Variants in HSD17B7 observed in about 807,000 individuals in gnomAD.
HSD17B7 encodes 3-keto-steroid reductase/17-beta-hydroxysteroid dehydrogenase 7.
HSD17B7 carries 17 observed loss-of-function variants against 34.1 expected under a neutral mutation model. The ratio of observed to expected loss-of-function variants is 0.50; its 90% CI spans 0.34 to 0.75. HSD17B7 has a LOEUF of 0.75. HSD17B7 is among the 30% of genes least tolerant of loss of function. The pLI is 0.01. For synonymous variants in HSD17B7, 122 were observed against 154.6 expected (o/e 0.79, Z 1.56); for missense variants, 296 against 406.6 (o/e 0.73, Z 2.34).
At chr1:162,805,572 C>T (rs560324888) in intron 8 of HSD17B7, 80 bp downstream of exon 8, 105 of 1,556,798 alleles carry the variant, frequency 6.7e-5, no homozygotes, top group African/African-American at 9.6e-5. Flanking sequence ...AGCCCCTCAG[C>T]CCCCCAGCTT....
Position 162,812,416 on chromosome 1 carries a change from T to A in HSD17B7, c.1022T>A (p.Leu341Gln). ...CAGGCCAGGCTCAGTGGCTCATGCC[T>A]ATAATTCCAGCACTTTGGGAGGCCA... ...DNQARLSGSC[L>Q] Residue 341 changes from leucine (L) to glutamine (Q), a missense_variant, in exon 9 of 9, where the codon CTA (leucine) becomes CAA (glutamine). Transcript: ENST00000254521. 6.3e-7 allele frequency: 1 copy of A among 1,581,402 alleles called. No individual in the cohort carries two copies. Among genetic ancestry groups the A allele is most frequent in the Non-Finnish European group, 8.6e-7 (1 of 1,161,392 alleles).
chr1:162,795,509 A>G (rs1487998346), intron 2 of HSD17B7: 1 of 360,212 alleles, frequency 2.8e-6, no homozygotes, highest in East Asian at 7.7e-5. Context: ...ACAAGCAACA[A>G]TGGATGAACT....
chr1:162,808,966 C>T (rs1225748664), intron 8 of HSD17B7, among the ~76,000 whole-genome samples: 1 of 152,144 alleles, frequency 6.6e-6, no homozygotes, highest in East Asian at 1.9e-4. Flanking sequence ...TTATTTCTTT[C>T]TCCTGCCTGA....
intron 8 of HSD17B7, among the ~76,000 whole-genome samples, chr1:162,807,667 T>C (rs1278708363): frequency 6.6e-6 from 1 of 152,234 alleles, no homozygotes; most frequent in African/African-American, 2.4e-5. Context: ...ATCGCCATTC[T>C]AACTGGTGTG....
chr1:162,805,467 G>C lies in HSD17B7; in HGVS notation c.878G>C (p.Gly293Ala), dbSNP rs1293164324. ...IKYLSATTGF[G>A]RNYIMTQKMD... ...TATCTGAGTGCCACCACTGGCTTTG[G>C]AAGAAATTACATTATGACCCAGAAG... Residue 293 changes from glycine (G) to alanine (A), a missense_variant, in exon 8 of 9, where the codon GGA (glycine) becomes GCA (alanine). By Grantham distance (60) the Gly-to-Ala change is moderately conservative (BLOSUM62 0). Coordinates refer to ENST00000254521, the MANE Select transcript of HSD17B7 (RefSeq NM_016371.4). 6.2e-6 allele frequency: 10 copies of C among 1,612,912 alleles called. No individual in the cohort carries two copies. The highest frequency in any genetic ancestry group is 1.3e-5 in the African/African-American group (1 of 74,824).
intron 8 of HSD17B7, among the ~76,000 whole-genome samples, chr1:162,809,524 G>T (rs912967825): frequency 6.6e-6 from 1 of 150,800 alleles, no homozygotes; most frequent in Non-Finnish European, 1.5e-5. Context: ...CTATTGATTG[G>T]AATAGTTTCA....
intron 8 of HSD17B7, 125 bp downstream of exon 8, chr1:162,805,617 C>T: frequency 7.0e-7 from 1 of 1,419,322 alleles, no homozygotes; most frequent in Non-Finnish European, 9.4e-7. Flanking sequence ...ACCAGCATCA[C>T]ACTGGCCTGA....
chr1:162,796,556 C>T (rs1182483066), intron 2 of HSD17B7, 29 bp from the exon 3 acceptor site: 3 of 1,407,368 alleles, frequency 2.1e-6, no homozygotes, highest in Non-Finnish European at 3.0e-6. Flanking sequence ...ACTTGCAACT[C>T]ACAATCTTGT....
intron 8 of HSD17B7, among the ~76,000 whole-genome samples, chr1:162,810,893 T>C (rs1435519088): frequency 2.0e-5 from 3 of 152,230 alleles, no homozygotes. Flanking sequence ...GGGTCTTGAC[T>C]CTTTATCCAA....
At chr1:162,811,767 A>T (rs1169216547) in intron 8 of HSD17B7, among the ~76,000 whole-genome samples, 1 of 152,182 alleles carries the variant, frequency 6.6e-6, no homozygotes, top group Non-Finnish European at 1.5e-5. Context: ...GAAAAAAGGG[A>T]TGCTTTATTT....
intron 1 of HSD17B7, among the ~76,000 whole-genome samples, chr1:162,791,613 C>A (rs1648408775): frequency 7.6e-6 from 1 of 131,810 alleles, no homozygotes; most frequent in Non-Finnish European, 1.6e-5. Context: ...ATTAACTAAG[C>A]CAGCTTGGTA....
At position 162,792,924 on chromosome 1, in the gene HSD17B7, A is replaced by G. The variant is rs1382964357; in HGVS notation, c.239+62A>G. ...ATTGTGCAGCATAACACTTAATAAA[A>G]TAAGAGAGGAAAGAAAAACCTGAAA... On this transcript the variant is annotated intron_variant, in intron 2 of 8. Transcript: ENST00000254521. 4.6e-6 allele frequency: 7 copies of G among 1,535,400 alleles called. No homozygotes were observed. In the East Asian group the frequency reaches 1.6e-4, roughly 35 times the overall value.
intron 1 of HSD17B7, among the ~76,000 whole-genome samples, chr1:162,791,701 G>C (rs1237626800): frequency 6.7e-6 from 1 of 150,034 alleles, no homozygotes; most frequent in African/African-American, 2.5e-5. Flanking sequence ...TATGTGGAAG[G>C]TACTGAGTAA....
chr1:162,805,630 T>A (rs889219315), intron 8 of HSD17B7, 138 bp downstream of exon 8: 1 of 1,372,294 alleles, frequency 7.3e-7, no homozygotes, highest in Admixed American at 2.8e-5. Context: ...TGGCCTGATT[T>A]TATTTCATCC....
chr1:162,799,973 G>A, intron 5 of HSD17B7, 36 bp downstream of exon 5: 2 of 1,582,560 alleles, frequency 1.3e-6, no homozygotes, highest in African/African-American at 1.3e-5. Flanking sequence ...AATGGCAGAG[G>A]AGGGTTCTCT....
At chr1:162,802,118 G>A (rs899902847) in intron 5 of HSD17B7, among the ~76,000 whole-genome samples, 1 of 152,122 alleles carries the variant, frequency 6.6e-6, no homozygotes, top group African/African-American at 2.4e-5. Flanking sequence ...AATTATCCAT[G>A]CATGCTCCCC....
chr1:162,792,176 CAG>C (rs1464320718), intron 1 of HSD17B7, among the ~76,000 whole-genome samples: 3 of 152,190 alleles, frequency 2.0e-5, no homozygotes, highest in Admixed American at 2.0e-4. Context: ...GTTCCTTTAT[CAG>C]AGATTTCTGG....
intron 6 of HSD17B7, 147 bp downstream of exon 6, chr1:162,803,682 C>G (rs568175322): frequency 2.0e-6 from 2 of 988,244 alleles, no homozygotes; most frequent in Non-Finnish European, 3.0e-6. Flanking sequence ...AATGTGAAAC[C>G]TCTGCTTAAT....
chr1:162,791,173 A>G (rs1442670090), intron 1 of HSD17B7, among the ~76,000 whole-genome samples: 2 of 151,966 alleles, frequency 1.3e-5, no homozygotes, highest in Non-Finnish European at 2.9e-5. Flanking sequence ...AGTGCCCAAT[A>G]TTTTGCTCCT....
Sources: gnomAD v4.1 joint callset for allele counts (sites outside exome capture counted in the v4.1 genomes callset) on GRCh38, gnomAD v4.1.1 for gene constraint, MANE v1.5 for transcripts, NCBI Gene and HGNC (gene_info 2026-07-23, HGNC 2026-07-21) for gene names.